The following CPEB3 variants were observed in gnomAD, a reference collection of about 807,000 sequenced individuals.
CPEB3 encodes the protein cytoplasmic polyadenylation element binding protein 3, also known as cytoplasmic polyadenylation element-binding protein 3.
In CPEB3, 20 loss-of-function variants were observed where a neutral mutation model predicts 67.2. That is an observed-to-expected ratio of 0.30 (90% CI 0.21 to 0.43). The LOEUF (loss-of-function observed/expected upper bound fraction) is 0.43. CPEB3 is among the 20% of genes least tolerant of loss of function. The pLI is 1.00. For synonymous variants in CPEB3, 376 were observed against 393.1 expected (o/e 0.96, Z 0.51); for missense variants, 746 against 968.6 (o/e 0.77, Z 3.05).
rs1437397411 is a variant in CPEB3, at chr10:92,063,133, A to G, written c.1870-10694T>C. 3.3e-5 allele frequency among the ~76,000 whole-genome samples: 5 copies of G among 152,374 alleles called. No homozygotes were observed. In the South Asian group the frequency reaches 6.2e-4, roughly 19 times the overall value. ...AGACAAAGAGAAAGCCATACTTTTT[A>G]ACAAACTGATCTCAATGCTTAATTG... is the stretch of plus-strand genomic sequence containing the variant. On this transcript the variant is annotated intron_variant, in intron 9 of 9. Coordinates refer to ENST00000265997, the MANE Select transcript of CPEB3 (RefSeq NM_014912.5).
At chr10:92,146,962 A>T (rs796862189) in intron 4 of CPEB3, among the ~76,000 whole-genome samples, 25 of 152,296 alleles carry the variant, frequency 1.6e-4, no homozygotes, top group African/African-American at 5.8e-4. Context: ...TTACATGCCT[A>T]CTCAGTGTCA....
At position 92,213,025 on chromosome 10, in the gene CPEB3, T is replaced by C. The variant is rs554874514; in HGVS notation, c.1006-20389A>G. Among the ~76,000 whole-genome samples the C allele has an allele frequency of 2.6e-5, 4 of 152,360 alleles. No individual in the cohort carries two copies. The South Asian group carries it at 6.2e-4, about 24-fold the overall frequency. On this transcript the variant is annotated intron_variant, in intron 2 of 9. Coordinates refer to ENST00000265997, the MANE Select transcript of CPEB3 (RefSeq NM_014912.5). ...TCTATTTCTTTGGACAGCACTGCTA[T>C]AGACAGAGTTCATGGTAACTCTGCT...
At chr10:92,060,934 C>T (rs551323313) in intron 9 of CPEB3, among the ~76,000 whole-genome samples, 1 of 152,152 alleles carries the variant, frequency 6.6e-6, no homozygotes, top group Non-Finnish European at 1.5e-5. Context: ...ATTAGTACAA[C>T]CACCACGGAG....
At chr10:92,109,728 T>G (rs190540088) in intron 7 of CPEB3, among the ~76,000 whole-genome samples, 1 of 152,200 alleles carries the variant, frequency 6.6e-6, no homozygotes, top group East Asian at 1.9e-4. Flanking sequence ...TACTCTCCAA[T>G]GAATACTCTC....
At chr10:92,287,651 C>T (rs1472548296) in intron 1 of CPEB3, among the ~76,000 whole-genome samples, 1 of 152,018 alleles carries the variant, frequency 6.6e-6, no homozygotes, top group African/African-American at 2.4e-5. Context: ...GCTAATTACT[C>T]TTTTAAAAGC....
At chr10:92,066,059 T>C (rs776139860) in intron 9 of CPEB3, among the ~76,000 whole-genome samples, 2 of 151,822 alleles carry the variant, frequency 1.3e-5, no homozygotes, top group Non-Finnish European at 2.9e-5. Context: ...ACTGCACCAC[T>C]GCACTCCAAA....
rs1282973166 is a variant in CPEB3, at chr10:92,240,369, G to C, written c.-11-8C>G. 3.5e-6 allele frequency: 5 copies of C among 1,437,786 alleles called. No homozygotes were observed. Among genetic ancestry groups the C allele is most frequent in the Non-Finnish European group, 4.6e-6 (5 of 1,091,136 alleles). The allele number at this position is 1,437,786 out of a possible 1,614,324, so 89.1% of individuals were successfully genotyped here. On this transcript the variant is annotated splice_polypyrimidine_tract_variant and splice_region_variant and intron_variant, in intron 1 of 9. Coordinates refer to ENST00000265997, the MANE Select transcript of CPEB3 (RefSeq NM_014912.5). The stretch of plus-strand genomic sequence containing the variant: ...CCTGCATGGTTTGCGCAGCTGAAAC[G>C]GGAAAAAAGAGAGACGCGTTATTGT...
At chr10:92,233,421 C>T (rs946637569) in intron 2 of CPEB3, among the ~76,000 whole-genome samples, 2 of 151,744 alleles carry the variant, frequency 1.3e-5, no homozygotes, top group African/African-American at 4.8e-5. Flanking sequence ...CCTGTAATCC[C>T]AGCTACCAGG....
intron 6 of CPEB3, among the ~76,000 whole-genome samples, chr10:92,121,418 C>T (rs1326583350): frequency 1.3e-5 from 2 of 148,538 alleles, no homozygotes; most frequent in Non-Finnish European, 3.0e-5. Context: ...AGCGCGTGAG[C>T]GAGCATGCAC....
intron 9 of CPEB3, among the ~76,000 whole-genome samples, chr10:92,076,814 GGGGAGAAAGAGGAGGAGGAGGAAA>G (rs1564758593): frequency 9.5e-5 from 14 of 146,876 alleles, no homozygotes; most frequent in Middle Eastern, 3.4e-3. Flanking sequence ...AGGAGGAGGA[GGGGAGAAAGAGGAGGAGGAGGAAA>G]GAAAGAGAGA....
At chr10:92,225,209 G>A (rs188850996) in intron 2 of CPEB3, among the ~76,000 whole-genome samples, 2 of 152,070 alleles carry the variant, frequency 1.3e-5, no homozygotes, top group African/African-American at 2.4e-5. Flanking sequence ...TCTTGACCTC[G>A]TGATCTGCCC....
chr10:92,059,469 T>C (rs1179267159), intron 9 of CPEB3, among the ~76,000 whole-genome samples: 1 of 151,840 alleles, frequency 6.6e-6, no homozygotes, highest in African/African-American at 2.4e-5. Flanking sequence ...CCAAAACCTA[T>C]GGATACAGCA....
chr10:92,194,755 T>C (rs985843352), intron 2 of CPEB3, among the ~76,000 whole-genome samples: 16 of 151,896 alleles, frequency 1.1e-4, no homozygotes, highest in African/African-American at 3.9e-4. Flanking sequence ...AAGTTAATAC[T>C]AAAGAGCCAG....
chr10:92,282,453 G>T (rs1234425766), intron 1 of CPEB3, among the ~76,000 whole-genome samples: 5 of 152,166 alleles, frequency 3.3e-5, no homozygotes, highest in Admixed American at 2.6e-4. Context: ...ACTTTGGGAG[G>T]CCAAGGCAGG....
chr10:92,047,819 C>T lies in CPEB3; in HGVS notation c.*4393G>A, dbSNP rs1337871054. On this transcript the variant is annotated 3_prime_UTR_variant, in exon 10 of 10. Coordinates refer to ENST00000265997, the MANE Select transcript of CPEB3 (RefSeq NM_014912.5). ...TTATTGATGAACCTCGCCTCCATAG[C>T]GATGGAGCTGAAAGAGGCCATCAAC... 6.6e-6 allele frequency: 1 copy of T among 152,214 alleles called. No individual in the cohort carries two copies. The highest frequency in any genetic ancestry group is 2.1e-4 in the South Asian group (1 of 4,828). 9.4% of individuals were successfully genotyped at this position (152,214 alleles called of 1,614,324 possible).
intron 4 of CPEB3, among the ~76,000 whole-genome samples, chr10:92,176,002 A>G (rs1848206904): frequency 6.6e-6 from 1 of 152,122 alleles, no homozygotes. Context: ...GATTCAGGAG[A>G]ATCGCTTGAG....
chr10:92,205,529 T>G (rs1204931259), intron 2 of CPEB3, among the ~76,000 whole-genome samples: 1 of 139,120 alleles, frequency 7.2e-6, no homozygotes, highest in Non-Finnish European at 1.5e-5. Flanking sequence ...CAGGCTGGAG[T>G]GCAGTGGCGT....
chr10:92,102,573 G>C (rs539335482), intron 7 of CPEB3, among the ~76,000 whole-genome samples: 1 of 152,328 alleles, frequency 6.6e-6, no homozygotes, highest in South Asian at 2.1e-4. Context: ...TTCAGTTACT[G>C]ATGAACAATT....
intron 1 of CPEB3, among the ~76,000 whole-genome samples, chr10:92,277,723 T>C (rs1842053691): frequency 6.6e-6 from 1 of 151,860 alleles, no homozygotes; most frequent in South Asian, 2.1e-4. Flanking sequence ...AAACCCCACC[T>C]CTACTAAAAA....
Sources: gnomAD v4.1 joint callset for allele counts (sites outside exome capture counted in the v4.1 genomes callset) on GRCh38, gnomAD v4.1.1 for gene constraint, MANE v1.5 for transcripts, NCBI Gene and HGNC (gene_info 2026-07-23, HGNC 2026-07-21) for gene names.